Variants in LRRC27 observed in about 807,000 individuals in gnomAD.
The protein encoded by LRRC27 is leucine rich repeat containing 27.
Under a neutral mutation model 55.0 loss-of-function variants are expected in LRRC27, and 57 were observed. That is an observed-to-expected ratio of 1.04 (90% CI 0.84 to 1.29). The LOEUF (loss-of-function observed/expected upper bound fraction) is 1.29. Ranked by LOEUF, LRRC27 falls within the 50% of genes most tolerant of loss-of-function variation. The pLI, the probability that LRRC27 is intolerant of heterozygous loss-of-function variation, is 0.00. For synonymous variants in LRRC27, 278 were observed against 251.9 expected (o/e 1.10, Z -0.98); for missense variants, 721 against 651.5 (o/e 1.11, Z -1.16).
At chr10:132,361,682 C>G in intron 9 of LRRC27, 107 bp downstream of exon 9, 2 of 824,270 alleles carry the variant, frequency 2.4e-6, no homozygotes, top group Non-Finnish European at 4.0e-6. Flanking sequence ...CCTGAAACTC[C>G]AGGCTGTGGC....
upstream of LRRC27, chr10:132,331,413 A>C: frequency 6.3e-7 from 1 of 1,589,968 alleles, no homozygotes; most frequent in Non-Finnish European, 8.6e-7. Context: ...CAAATTCTCA[A>C]AACCCTTCCT....
intron 10 of LRRC27, chr10:132,366,356 C>G (rs2069079511): frequency 6.6e-6 from 1 of 152,560 alleles, no homozygotes; most frequent in Non-Finnish European, 1.5e-5. Flanking sequence ...CTAAGCAGAA[C>G]TGCTCACGGA....
rs2069315178 is a variant in LRRC27 at position 132,375,128 on chromosome 10, T to A, written c.1479T>A (p.Arg493=). The A allele has an allele frequency of 2.5e-6, 4 of 1,614,098 alleles. No individual in the cohort carries two copies. The highest frequency in any genetic ancestry group is 3.4e-6 in the Non-Finnish European group (4 of 1,179,998). ...TGGGATTAACCTTGAACAAAGATCG[T>A]CGACGGGCGGCCCTCACTGGAAACC... ...LKLGLTLNKD[R]RRAALTGNLS... is the part of the protein sequence containing the mutation. Residue 493 remains arginine, a synonymous_variant, in exon 11 of 11, where the codon CGT becomes CGA. Coordinates refer to ENST00000368614, the MANE Select transcript of LRRC27 (RefSeq NM_030626.3).
intron 9 of LRRC27, among the ~76,000 whole-genome samples, chr10:132,364,471 TTAC>T: frequency 2.4e-5 from 1 of 41,806 alleles, no homozygotes; most frequent in African/African-American, 1.1e-4. Context: ...CCACCCACAC[TTAC>T]ACCCACCCAC....
chr10:132,350,236 T>C (rs964785224), intron 6 of LRRC27, among the ~76,000 whole-genome samples: 2 of 152,204 alleles, frequency 1.3e-5, no homozygotes, highest in African/African-American at 2.4e-5. Context: ...CCCAAAATTA[T>C]ATTGGGAGGG....
upstream of LRRC27, chr10:132,330,426 C>G (rs2066633117): frequency 2.8e-6 from 2 of 717,188 alleles, no homozygotes; most frequent in African/African-American, 1.7e-5. Context: ...TCTCCTTGCT[C>G]TGCCCGGGTG....
chr10:132,351,661 A>G lies in LRRC27; in HGVS notation c.981A>G (p.Gln327=). 6.2e-7 allele frequency: 1 copy of G among 1,614,090 alleles called. No individual in the cohort carries two copies. The highest frequency in any genetic ancestry group is 8.5e-7 in the Non-Finnish European group (1 of 1,180,016). ...SILPDLLSPY[Q]MAIRAKRLEE... is the part of the protein sequence containing the mutation. ...TACCCGACCTCTTGTCACCGTACCA[A>G]ATGGCGATCCGAGCAAAAAGACTGG... Residue 327 remains glutamine, a synonymous_variant, in exon 7 of 11, where the codon CAA becomes CAG. Coordinates refer to ENST00000368614, the MANE Select transcript of LRRC27 (RefSeq NM_030626.3).
At chr10:132,337,334 G>A (rs999992524) in intron 2 of LRRC27, 24 of 1,331,262 alleles carry the variant, frequency 1.8e-5, no homozygotes, top group African/African-American at 3.0e-5. Context: ...GGCTCTTCAG[G>A]AAGTCAGTTC....
At chr10:132,350,888 A>T (rs945233017) in intron 6 of LRRC27, 1 of 152,242 alleles carries the variant, frequency 6.6e-6, no homozygotes, top group African/African-American at 2.4e-5. Flanking sequence ...CAGAGCCCCT[A>T]TCTCCAGCCT....
At chr10:132,337,003 G>A (rs568596886) in intron 2 of LRRC27, 16 of 973,074 alleles carry the variant, frequency 1.6e-5, no homozygotes, top group Non-Finnish European at 2.0e-5. Flanking sequence ...CAACGCCACC[G>A]AGTTGATGTG....
Position 132,365,463 on chromosome 10 carries a change from G to T in LRRC27, c.1329G>T (p.Gln443His). The T allele has an allele frequency of 2.5e-6, 4 of 1,613,718 alleles. No homozygotes were observed. The highest frequency in any genetic ancestry group is 2.7e-5 in the African/African-American group (2 of 75,050). The change falls in exon 10 of 11, where the codon CAG becomes CAT. Residue 443 changes from glutamine (Q) to histidine (H), a missense_variant. Coordinates refer to ENST00000368614, the MANE Select transcript of LRRC27 (RefSeq NM_030626.3). Reference protein sequence around the residue: ...QERNLEEKIKQHVLQMREQRR... With the variant: ...QERNLEEKIKHHVLQMREQRR... ...GAAATTTAGAAGAGAAGATAAAACA[G>T]CACGTCCTCCAAATGCGTGAGCAAA...
chr10:132,367,584 C>T (rs1325552046), intron 10 of LRRC27, among the ~76,000 whole-genome samples: 1 of 152,212 alleles, frequency 6.6e-6, no homozygotes, highest in African/African-American at 2.4e-5. Context: ...TGCAATTCAT[C>T]ACATCAGTAA....
At chr10:132,365,279 G>A in intron 9 of LRRC27, 145 bp from the exon 10 acceptor site, 1 of 1,143,876 alleles carries the variant, frequency 8.7e-7, no homozygotes, top group Non-Finnish European at 1.3e-6. Context: ...CAGCGCCACA[G>A]TAACTGGCAC....
chr10:132,347,709 C>T (rs980030788), intron 5 of LRRC27, among the ~76,000 whole-genome samples: 3 of 145,084 alleles, frequency 2.1e-5, no homozygotes, highest in African/African-American at 5.2e-5. Context: ...GGGTCAGGTG[C>T]GCCTGGTGGG....
chr10:132,351,764 A>G lies in LRRC27; in HGVS notation c.1073+11A>G, dbSNP rs200906489. On this transcript the variant is annotated intron_variant, in intron 7 of 10. Coordinates refer to ENST00000368614, the MANE Select transcript of LRRC27 (RefSeq NM_030626.3). The stretch of plus-strand genomic sequence containing the variant: ...GGAGCAGCAGAGACGGTGAGTCCAC[A>G]CAGGGTGGGGGTCCGCACAGCCCGC... 1 of 1,608,674 alleles carries G rather than the reference A, an allele frequency of 6.2e-7. No homozygotes were observed. The highest frequency in any genetic ancestry group is 1.3e-5 in the African/African-American group (1 of 74,756).
chr10:132,348,088 C>G lies in LRRC27; in HGVS notation c.658C>G (p.Pro220Ala), dbSNP rs1299157266. ...SNQGAVNAQDPEGAVMKEKAS... is the reference protein window; with the variant it reads ...SNQGAVNAQDAEGAVMKEKAS... Reference sequence around the variant, plus strand: ...CCAAGGAGCTGTGAACGCTCAGGACCCAGAGGGGGCTGTGATGAAAGAGAA... The same window carrying G: ...CCAAGGAGCTGTGAACGCTCAGGACGCAGAGGGGGCTGTGATGAAAGAGAA... Residue 220 changes from proline to alanine, a missense_variant, in exon 6 of 11, where the codon CCA becomes GCA. Pro to Ala is a conservative substitution (Grantham distance 27, BLOSUM62 -1). Transcript: ENST00000368614. This position sits in a 1 kb window ranked among gnomAD's most constrained non-coding sequence, Gnocchi z 4.2. The G allele has an allele frequency of 6.2e-7, 1 of 1,614,082 alleles. No individual in the cohort carries two copies. The highest frequency in any genetic ancestry group is 1.1e-5 in the South Asian group (1 of 91,084).
In LRRC27 at chr10:132,361,519, G is replaced by T. The variant is rs1176786343; in HGVS notation, c.1233G>T (p.Pro411=). The change falls in exon 9 of 11, where the codon CCG becomes CCT. Residue 411 remains proline (P), a synonymous_variant. Transcript: ENST00000368614. The part of the protein sequence containing the change: ...LIDNRKVPLN[P]PGKMKPSKEK... ...ATAACAGGAAAGTACCACTGAATCC[G>T]CCTGGAAAAATGAAACCAAGCAAAG... is the stretch of plus-strand genomic sequence containing the variant. The T allele has an allele frequency of 1.9e-6, 3 of 1,613,772 alleles. No homozygotes were observed. Among genetic ancestry groups the T allele is most frequent in the Non-Finnish European group, 2.5e-6 (3 of 1,179,978 alleles).
chr10:132,364,755 CTTACACT>C (rs2068948923), intron 9 of LRRC27, among the ~76,000 whole-genome samples: 7 of 143,140 alleles, frequency 4.9e-5, no homozygotes, highest in Admixed American at 6.9e-5. Context: ...CACGCCCACA[CTTACACT>C]CATGCTTACA....
At chr10:132,340,384 G>A (rs770939122) in intron 3 of LRRC27, among the ~76,000 whole-genome samples, 2 of 152,094 alleles carry the variant, frequency 1.3e-5, no homozygotes, top group Non-Finnish European at 2.9e-5. Context: ...AGGCAAAACC[G>A]AACCCAGCCC....
Sources: gnomAD v4.1 joint callset for allele counts (sites outside exome capture counted in the v4.1 genomes callset) on GRCh38, gnomAD v4.1.1 for gene constraint, Gnocchi (gnomAD v3.1) non-coding constraint, MANE v1.5 for transcripts, NCBI Gene and HGNC (gene_info 2026-07-23, HGNC 2026-07-21) for gene names.